The following GRB14 variants were observed in gnomAD, a reference collection of about 807,000 sequenced individuals.
GRB14 encodes growth factor receptor bound protein 14.
Under a neutral mutation model 69.1 loss-of-function variants are expected in GRB14, and 38 were observed. That is an observed-to-expected ratio of 0.55 (90% CI 0.42 to 0.72). GRB14 has a LOEUF of 0.72. Among genes scored for constraint, GRB14 ranks in the 30% least tolerant of loss-of-function variants. The pLI is 0.00. For missense variants in GRB14, 666 were observed against 666.1 expected, an observed-to-expected ratio of 1.00 and a Z score of 0.00; for synonymous variants, 247 against 241.3, an observed-to-expected ratio of 1.02 and a Z score of -0.22.
chr2:164,546,911 C>T (rs1295884434), intron 3 of GRB14, among the ~76,000 whole-genome samples: 2 of 152,120 alleles, frequency 1.3e-5, no homozygotes, highest in Admixed American at 1.3e-4. Flanking sequence ...GGCCATGGGT[C>T]CCTAGCCAGC....
Position 164,497,232 on chromosome 2 carries a change from G to T in GRB14, c.1273C>A (p.Gln425Lys). ...ATACCCATGTTTGTGGCAGAGCTCT[G>T]TGAAGAGGCAGTGGGGCTACCGTGA... The part of the protein sequence containing the change: ...GTHGSPTASS[Q>K]SSATNMAIHR... Residue 425 changes from glutamine to lysine, a missense_variant, in exon 11 of 14, where the codon CAG becomes AAG. Coordinates refer to ENST00000263915, the MANE Select transcript of GRB14 (RefSeq NM_004490.3). 6.2e-7 allele frequency: 1 copy of T among 1,613,810 alleles called. No individual in the cohort carries two copies. Among genetic ancestry groups the T allele is most frequent in the Non-Finnish European group, 8.5e-7 (1 of 1,179,776 alleles).
At chr2:164,573,193 T>C (rs188444279) in intron 2 of GRB14, among the ~76,000 whole-genome samples, 76 of 152,332 alleles carry the variant, frequency 5.0e-4, no homozygotes, top group Non-Finnish European at 9.4e-4. Context: ...AACACAAATA[T>C]AATCCTTAAG....
intron 2 of GRB14, among the ~76,000 whole-genome samples, chr2:164,615,395 T>A (rs1219267521): frequency 6.6e-6 from 1 of 152,116 alleles, no homozygotes; most frequent in East Asian, 1.9e-4. Flanking sequence ...GAATTCCAGG[T>A]CCTTAGATGA....
rs375922623 is a variant in GRB14, at chr2:164,610,911, C to CAA, written c.324+8774_324+8775dup. Among the ~76,000 whole-genome samples the CAA allele has an allele frequency of 9.1e-3, 1,159 of 126,698 alleles. 22 individuals are homozygous for CAA. The highest frequency in any genetic ancestry group is 0.07 in the East Asian group (274 of 3,928). The allele number at this position is 126,698 out of a possible 152,430, so 83.1% of individuals were successfully genotyped here. A position where few individuals can be genotyped will look rare whatever the true frequency, so the allele number is the denominator to read the frequency against. On this transcript the variant is annotated intron_variant, in intron 2 of 13. Coordinates refer to ENST00000263915, the MANE Select transcript of GRB14 (RefSeq NM_004490.3). Reference sequence around the variant, plus strand: ...AAAAACAGGCTACATTTAGGCTGGTCAAAAAAAAAAAAAAATCTCCTGGAT... The same window carrying CAA: ...AAAAACAGGCTACATTTAGGCTGGTCAAAAAAAAAAAAAAAAATCTCCTGGAT...
chr2:164,495,914 T>C (rs1446950063), intron 12 of GRB14, among the ~76,000 whole-genome samples: 1 of 152,208 alleles, frequency 6.6e-6, no homozygotes, highest in Non-Finnish European at 1.5e-5. Context: ...ATTCACTTTA[T>C]AAATACTGGG....
intron 2 of GRB14, among the ~76,000 whole-genome samples, chr2:164,602,581 G>A (rs1399484018): frequency 6.6e-6 from 1 of 152,148 alleles, no homozygotes; most frequent in African/African-American, 2.4e-5. Flanking sequence ...AAATGCTCAA[G>A]AGGAGATTAT....
At chr2:164,559,474 T>C (rs553041463) in intron 2 of GRB14, among the ~76,000 whole-genome samples, 12 of 152,250 alleles carry the variant, frequency 7.9e-5, no homozygotes, top group African/African-American at 2.2e-4. Context: ...CCGAAGTCCA[T>C]TGTATCATTC....
chr2:164,578,256 T>G (rs1689301486), intron 2 of GRB14, among the ~76,000 whole-genome samples: 1 of 151,944 alleles, frequency 6.6e-6, no homozygotes, highest in Non-Finnish European at 1.5e-5. Flanking sequence ...AAAAGAATGC[T>G]TTAATAATCT....
rs150811936 is a variant in GRB14 at position 164,518,152 on chromosome 2, G to C, written c.816+3828C>G. On this transcript the variant is annotated intron_variant, in intron 6 of 13. Transcript: ENST00000263915. ...AAGTCTTAATACATTTTTAAAAATTGAAATTATTTCAAGTACTCTCTCAGA... is the reference window on the plus strand; with the variant it reads ...AAGTCTTAATACATTTTTAAAAATTCAAATTATTTCAAGTACTCTCTCAGA... Among the ~76,000 whole-genome samples the C allele has an allele frequency of 5.4e-3, 823 of 152,166 alleles. 11 individuals are homozygous for C. Among genetic ancestry groups the C allele is most frequent in the African/African-American group, 0.019 (780 of 41,524 alleles).
Position 164,497,397 on chromosome 2 carries a change from C to A in GRB14, c.1198G>T (p.Val400Phe), listed in dbSNP as rs1464060678. ...ENPTEALSVA[V>F]EEGLAWRKKG... ...ACCCTCCAAGCGAGTCCTTCTTCAA[C>A]CGCAACTGAAAGGGCTTCAGTGGGA... Residue 400 changes from valine to phenylalanine, a missense_variant, in exon 10 of 14, where the codon GTT becomes TTT. Physicochemically the swap from Val to Phe is conservative, Grantham distance 50. Coordinates refer to ENST00000263915, the MANE Select transcript of GRB14 (RefSeq NM_004490.3). 1 of 1,613,332 alleles carries A rather than the reference C, an allele frequency of 6.2e-7. No homozygotes were observed. The highest frequency in any genetic ancestry group is 8.5e-7 in the Non-Finnish European group (1 of 1,179,550).
chr2:164,592,728 A>G (rs999231708), intron 2 of GRB14, among the ~76,000 whole-genome samples: 3 of 152,220 alleles, frequency 2.0e-5, no homozygotes, highest in Non-Finnish European at 2.9e-5. Context: ...CTTACTTTGT[A>G]TGTGCTCCAC....
intron 2 of GRB14, among the ~76,000 whole-genome samples, chr2:164,618,020 G>A (rs1276293535): frequency 2.0e-5 from 3 of 150,836 alleles, no homozygotes; most frequent in Non-Finnish European, 4.4e-5. Flanking sequence ...AGAGTGGAGT[G>A]CAGGGGCACA....
intron 2 of GRB14, among the ~76,000 whole-genome samples, chr2:164,597,311 T>C (rs1487342834): frequency 2.0e-5 from 3 of 152,222 alleles, no homozygotes; most frequent in Non-Finnish European, 4.4e-5. Flanking sequence ...CCCTCTTTCA[T>C]AGTGCAGATA....
chr2:164,538,435 G>C (rs1207105641), intron 3 of GRB14, among the ~76,000 whole-genome samples: 1 of 152,078 alleles, frequency 6.6e-6, no homozygotes, highest in East Asian at 1.9e-4. Context: ...TTCTATCTGG[G>C]GAACTATAGT....
At chr2:164,619,842 G>A (rs1318287781) in intron 1 of GRB14, 23 bp from the exon 2 acceptor site, 1 of 1,583,566 alleles carries the variant, frequency 6.3e-7, no homozygotes, top group Non-Finnish European at 8.6e-7. Flanking sequence ...AACATAGGAT[G>A]TAATTTACAT....
At chr2:164,620,397 T>C (rs1286717858) in intron 1 of GRB14, among the ~76,000 whole-genome samples, 1 of 152,092 alleles carries the variant, frequency 6.6e-6, no homozygotes, top group Non-Finnish European at 1.5e-5. Flanking sequence ...CGCTTATAGA[T>C]ATTAAACAGC....
At chr2:164,597,372 T>C (rs1689808378) in intron 2 of GRB14, among the ~76,000 whole-genome samples, 1 of 152,202 alleles carries the variant, frequency 6.6e-6, no homozygotes. Flanking sequence ...GCACAATAAA[T>C]ACTGCTAAGC....
At chr2:164,613,614 C>T (rs1426361771) in intron 2 of GRB14, among the ~76,000 whole-genome samples, 3 of 152,204 alleles carry the variant, frequency 2.0e-5, no homozygotes, top group Non-Finnish European at 2.9e-5. Flanking sequence ...CAAGGAGAGG[C>T]AGAGACTATG....
chr2:164,618,989 A>T (rs549494704), intron 2 of GRB14, among the ~76,000 whole-genome samples: 2 of 152,182 alleles, frequency 1.3e-5, no homozygotes, highest in Non-Finnish European at 2.9e-5. Context: ...TCTATGATAC[A>T]CTATTTTTTT....
Sources: allele counts gnomAD v4.1 joint callset (sites outside exome capture counted in the v4.1 genomes callset), GRCh38; gene constraint gnomAD v4.1.1; transcripts MANE v1.5; gene names NCBI Gene and HGNC (gene_info 2026-07-23, HGNC 2026-07-21).